STX8: variants seen among roughly 807,000 people sequenced by gnomAD.
STX8 encodes syntaxin 8, also known as syntaxin-8.
Under a neutral mutation model 37.5 loss-of-function variants are expected in STX8, and 23 were observed. The ratio of observed to expected loss-of-function variants is 0.61; its 90% CI spans 0.44 to 0.87. The LOEUF is 0.87. Ranked by LOEUF, STX8 falls within the 40% of genes least tolerant of loss-of-function variation. The pLI is 0.00. For synonymous variants in STX8, 115 were observed against 99.1 expected, an observed-to-expected ratio of 1.16 and a Z score of -0.95; for missense variants, 313 against 284.7, an observed-to-expected ratio of 1.10 and a Z score of -0.71.
chr17:9,339,070 CAA>C (rs34987749), intron 7 of STX8, among the ~76,000 whole-genome samples: 104 of 69,990 alleles, frequency 1.5e-3, no homozygotes, highest in Middle Eastern at 6.4e-3. Context: ...GACTCCGTCT[CAA>C]AAAAAAAAAA....
chr17:9,475,907 G>A (rs548552370), intron 6 of STX8, among the ~76,000 whole-genome samples: 6 of 152,314 alleles, frequency 3.9e-5, no homozygotes, highest in South Asian at 4.1e-4. Context: ...AGGGCCGCCC[G>A]TGGTGGCTCA....
intron 6 of STX8, among the ~76,000 whole-genome samples, chr17:9,451,855 C>T (rs1905052010): frequency 6.6e-6 from 1 of 151,998 alleles, no homozygotes; most frequent in South Asian, 2.1e-4. Flanking sequence ...AGTTTCACTG[C>T]TTAGAAAATT....
intron 7 of STX8, among the ~76,000 whole-genome samples, chr17:9,284,220 T>A (rs1907993639): frequency 1.3e-5 from 2 of 152,212 alleles, no homozygotes; most frequent in Non-Finnish European, 2.9e-5. Context: ...ATACAGGGGA[T>A]CTGCACAGCT....
intron 7 of STX8, among the ~76,000 whole-genome samples, chr17:9,342,060 G>C (rs557735370): frequency 1.3e-5 from 2 of 152,216 alleles, no homozygotes; most frequent in South Asian, 2.1e-4. Context: ...GGAGGGGAAG[G>C]GGGAGATGGT....
chr17:9,456,549 CTA>C (rs1230239475), intron 6 of STX8, among the ~76,000 whole-genome samples: 1 of 152,280 alleles, frequency 6.6e-6, no homozygotes, highest in South Asian at 2.1e-4. Context: ...GAAAAAGAGT[CTA>C]TGTTTCCCTT....
At chr17:9,284,934 G>A (rs1908022161) in intron 7 of STX8, among the ~76,000 whole-genome samples, 1 of 152,114 alleles carries the variant, frequency 6.6e-6, no homozygotes, top group Non-Finnish European at 1.5e-5. Context: ...AAAGTCATGG[G>A]TGGGGCTTGC....
At chr17:9,250,802 T>C (rs1477337286) in intron 7 of STX8, among the ~76,000 whole-genome samples, 157 bp from the exon 8 acceptor site, 1 of 148,338 alleles carries the variant, frequency 6.7e-6, no homozygotes, top group African/African-American at 2.6e-5. Flanking sequence ...GGGGCGCCGC[T>C]GCTGCTACAC....
At chr17:9,435,387 T>G (rs548210815) in intron 6 of STX8, among the ~76,000 whole-genome samples, 21 of 152,218 alleles carry the variant, frequency 1.4e-4, no homozygotes, top group Middle Eastern at 3.4e-3. Context: ...AATAAGAGCA[T>G]GCAGAGTGAG....
chr17:9,541,687 A>G (rs1490063350), intron 4 of STX8, among the ~76,000 whole-genome samples: 1 of 152,166 alleles, frequency 6.6e-6, no homozygotes, highest in Non-Finnish European at 1.5e-5. Context: ...ACAAGTTCAG[A>G]GCTAAAATCC....
intron 7 of STX8, among the ~76,000 whole-genome samples, chr17:9,289,721 A>G (rs1908246117): frequency 6.6e-6 from 1 of 152,016 alleles, no homozygotes; most frequent in South Asian, 2.1e-4. Context: ...TGGAGCTTGC[A>G]GTGAGTCGGG....
intron 7 of STX8, among the ~76,000 whole-genome samples, chr17:9,368,465 C>A (rs1253204083): frequency 6.6e-6 from 1 of 152,124 alleles, no homozygotes; most frequent in East Asian, 1.9e-4. Context: ...TCTACTCCAG[C>A]CTGGGTGACA....
chr17:9,449,485 C>T (rs377341244), intron 6 of STX8, among the ~76,000 whole-genome samples: 9 of 152,214 alleles, frequency 5.9e-5, no homozygotes, highest in East Asian at 3.9e-4. Flanking sequence ...GCGTGAACCC[C>T]GGGGGACGGA....
In STX8 at chr17:9,430,027, A is replaced by AATATATTCTATATAATAT. The variant is rs1913878829; in HGVS notation, c.542-51375_542-51374insATATTATATAGAATATAT. On this transcript the variant is annotated intron_variant, in intron 6 of 7. Coordinates refer to ENST00000306357, the MANE Select transcript of STX8 (RefSeq NM_004853.3). ...ATATTATATATTATATATTATATAT[A>AATATATTCTATATAATAT]ATATATTCTATAGAATATATATATT... 4.0e-4 allele frequency among the ~76,000 whole-genome samples: 6 copies of AATATATTCTATATAATAT among 15,042 alleles called. No individual in the cohort carries two copies. In the African/African-American group the frequency reaches 4.6e-3, roughly 12 times the overall value. 9.9% of individuals were successfully genotyped at this position (15,042 alleles called of 152,430 possible).
At chr17:9,348,561 TC>T (rs1910605462) in intron 7 of STX8, among the ~76,000 whole-genome samples, 1 of 152,016 alleles carries the variant, frequency 6.6e-6, no homozygotes, top group Admixed American at 6.6e-5. Flanking sequence ...GCTCAGAAAA[TC>T]CTCATCCACA....
chr17:9,378,272 CA>C, intron 7 of STX8: 1 of 338,090 alleles, frequency 3.0e-6, no homozygotes, highest in Non-Finnish European at 5.6e-6. Context: ...TAATGTTATA[CA>C]ATTTCCCAAA....
intron 6 of STX8, among the ~76,000 whole-genome samples, chr17:9,414,637 A>G (rs1196477022): frequency 6.6e-6 from 1 of 152,132 alleles, no homozygotes; most frequent in Non-Finnish European, 1.5e-5. Context: ...CAGGTGTCAC[A>G]GGGTGAGACC....
intron 6 of STX8, among the ~76,000 whole-genome samples, chr17:9,426,513 C>G (rs1212972609): frequency 6.6e-6 from 1 of 152,078 alleles, no homozygotes; most frequent in Non-Finnish European, 1.5e-5. Context: ...GGTCACAAAG[C>G]AAAACTCCAT....
chr17:9,542,005 T>TTTC (rs528256267), intron 4 of STX8, among the ~76,000 whole-genome samples: 1,670 of 53,012 alleles, frequency 0.032, 35 homozygotes, highest in African/African-American at 0.16. Context: ...AACATTTGTA[T>TTTC]TTTTTTTTTT....
At chr17:9,338,597 C>A (rs1910221447) in intron 7 of STX8, among the ~76,000 whole-genome samples, 1 of 152,166 alleles carries the variant, frequency 6.6e-6, no homozygotes, top group Admixed American at 6.5e-5. Flanking sequence ...ATGGCCACTC[C>A]ATTTCTGCAG....
Sources: gnomAD v4.1 joint callset for allele counts (sites outside exome capture counted in the v4.1 genomes callset) on GRCh38, gnomAD v4.1.1 for gene constraint, MANE v1.5 for transcripts, NCBI Gene and HGNC (gene_info 2026-07-23, HGNC 2026-07-21) for gene names.